The following USP37 variants were observed in gnomAD, a reference collection of about 807,000 sequenced individuals.
The protein encoded by USP37 is ubiquitin carboxyl-terminal hydrolase 37.
Under a neutral mutation model 124.0 loss-of-function variants are expected in USP37, and 27 were observed. The observed-to-expected ratio is 0.22, with a 90% CI of 0.16 to 0.30. USP37 has a LOEUF of 0.30. USP37 is among the 10% of genes least tolerant of loss of function. The pLI, the probability that USP37 is intolerant of heterozygous loss-of-function variation, is 1.00. For synonymous variants in USP37, 365 were observed against 388.0 expected (o/e 0.94, Z 0.70); for missense variants, 889 against 1,140.4 (o/e 0.78, Z 3.17).
chr2:218,499,293 C>CAA lies in USP37; in HGVS notation c.1026-1138_1026-1137dup, dbSNP rs35377276. 8.7e-4 allele frequency among the ~76,000 whole-genome samples: 132 copies of CAA among 150,940 alleles called. 4 individuals are homozygous for CAA. Among genetic ancestry groups the CAA allele is most frequent in the Admixed American group, 5.3e-3 (80 of 15,150 alleles). ...TGTTTTTTAAAAAAACAAAAAACAACAAAAAAAAACCTTTTAATTTAGAAA... is the reference window on the plus strand; with the variant it reads ...TGTTTTTTAAAAAAACAAAAAACAACAAAAAAAAAAACCTTTTAATTTAGAAA... On this transcript the variant is annotated intron_variant, in intron 11 of 25. Coordinates refer to ENST00000258399, the MANE Select transcript of USP37 (RefSeq NM_020935.3).
chr2:218,493,681 G>A (rs955892141), intron 14 of USP37, among the ~76,000 whole-genome samples: 6 of 152,156 alleles, frequency 3.9e-5, no homozygotes, highest in African/African-American at 1.4e-4. Context: ...ATGTTGGCCA[G>A]GCTGGTCTCG....
Position 218,498,061 on chromosome 2 carries a change from G to T in USP37, c.1122C>A (p.Ile374=). The part of the protein sequence containing the change: ...SFANDLLKQG[I]PWKKIPLNAL... ...CATTGAGTGGAATTTTCTTCCATGG[G>T]ATACCTTGTTTAAGCAAGTCATTTG... The change falls in exon 12 of 26, where the codon ATC becomes ATA. Residue 374 remains isoleucine (I), a synonymous_variant. Coordinates refer to ENST00000258399, the MANE Select transcript of USP37 (RefSeq NM_020935.3). 1.1e-5 allele frequency: 18 copies of T among 1,612,012 alleles called. No individual in the cohort carries two copies. Among genetic ancestry groups the T allele is most frequent in the Non-Finnish European group, 1.5e-5 (18 of 1,179,400 alleles).
At chr2:218,459,932 T>C (rs374696262) in intron 22 of USP37, 27 bp from the exon 23 acceptor site, 111 of 1,583,082 alleles carry the variant, frequency 7.0e-5, no homozygotes, top group Non-Finnish European at 9.3e-5. Flanking sequence ...CAAAATCTTA[T>C]AAAAGTTCTT....
chr2:218,470,328 T>C (rs1690606556), intron 20 of USP37, among the ~76,000 whole-genome samples: 1 of 152,222 alleles, frequency 6.6e-6, no homozygotes, highest in Non-Finnish European at 1.5e-5. Flanking sequence ...AAGCATCTCT[T>C]GAATCCATCA....
intron 5 of USP37, among the ~76,000 whole-genome samples, chr2:218,551,949 T>C (rs139577978): frequency 0.016 from 2,379 of 152,208 alleles, 64 homozygotes; most frequent in African/African-American, 0.053. Flanking sequence ...CTCGCCACCA[T>C]GCCTGGCTAA....
At position 218,456,834 on chromosome 2, in the gene USP37, G is replaced by A. The variant is rs1422013977; in HGVS notation, c.2713+258C>T. ...AAAATGCAAAAATTAGCTGGGCGTGGTGGTGCATGCCTGTAATCCCAGCTA... is the reference window on the plus strand; with the variant it reads ...AAAATGCAAAAATTAGCTGGGCGTGATGGTGCATGCCTGTAATCCCAGCTA... On this transcript the variant is annotated intron_variant, in intron 24 of 25. Coordinates refer to ENST00000258399, the MANE Select transcript of USP37 (RefSeq NM_020935.3). Among the ~76,000 whole-genome samples, 4 of 152,038 alleles carry A rather than the reference G, an allele frequency of 2.6e-5. No homozygotes were observed. In the East Asian group the frequency reaches 7.7e-4, roughly 29 times the overall value.
chr2:218,562,532 C>T (rs905648939), intron 2 of USP37, 141 bp downstream of exon 2: 3 of 390,224 alleles, frequency 7.7e-6, no homozygotes, highest in African/African-American at 4.1e-5. Flanking sequence ...TTGAAAACAT[C>T]CTTAATCAGA....
At chr2:218,507,286 T>C (rs1689732734) in intron 11 of USP37, among the ~76,000 whole-genome samples, 1 of 152,022 alleles carries the variant, frequency 6.6e-6, no homozygotes. Context: ...GCCTCCCAAG[T>C]AGCTGGGATT....
chr2:218,540,097 C>A (rs1001390972), intron 8 of USP37, among the ~76,000 whole-genome samples: 1 of 152,098 alleles, frequency 6.6e-6, no homozygotes, highest in South Asian at 2.1e-4. Context: ...TTTGGCACAT[C>A]TGAATTGCCA....
intron 10 of USP37, among the ~76,000 whole-genome samples, chr2:218,511,450 A>T (rs1267717730): frequency 6.6e-6 from 1 of 152,200 alleles, no homozygotes; most frequent in Admixed American, 6.5e-5. Context: ...CTGGGACTAC[A>T]GGCGTGCGCC....
At chr2:218,491,916 G>C (rs1383400619) in intron 14 of USP37, among the ~76,000 whole-genome samples, 1 of 151,978 alleles carries the variant, frequency 6.6e-6, no homozygotes, top group Non-Finnish European at 1.5e-5. Context: ...TGAGAATATG[G>C]GGGCCAGGTG....
chr2:218,478,074 C>T (rs962327735), intron 18 of USP37, among the ~76,000 whole-genome samples: 1 of 152,012 alleles, frequency 6.6e-6, no homozygotes, highest in Admixed American at 6.6e-5. Flanking sequence ...ATACAATTAA[C>T]CTGAATGTAA....
intron 10 of USP37, among the ~76,000 whole-genome samples, chr2:218,522,866 G>A (rs1372235536): frequency 3.3e-5 from 5 of 152,184 alleles, no homozygotes; most frequent in African/African-American, 4.8e-5. Context: ...GGCCGGATGC[G>A]GCAGCTCATG....
At chr2:218,521,794 A>T (rs1001385714) in intron 10 of USP37, among the ~76,000 whole-genome samples, 1 of 152,132 alleles carries the variant, frequency 6.6e-6, no homozygotes, top group Non-Finnish European at 1.5e-5. Flanking sequence ...TATGCACAAG[A>T]TTGTTTCTGG....
intron 8 of USP37, 77 bp downstream of exon 8, chr2:218,546,144 C>G: frequency 8.4e-7 from 1 of 1,197,350 alleles, no homozygotes. Context: ...ACCATTTCCC[C>G]AATCTTCCCC....
At chr2:218,491,090 T>C (rs973362187) in intron 14 of USP37, among the ~76,000 whole-genome samples, 15 of 152,240 alleles carry the variant, frequency 9.9e-5, no homozygotes, top group African/African-American at 2.6e-4. Context: ...TCAGGGCTGG[T>C]CTCAAACACC....
At chr2:218,484,623 AAAC>A (rs71064453) in intron 16 of USP37, among the ~76,000 whole-genome samples, 20 of 18,610 alleles carry the variant, frequency 1.1e-3, no homozygotes, top group Admixed American at 5.3e-3. Context: ...CTCTGTATCA[AAAC>A]AACAACAACA....
chr2:218,533,150 C>T (rs1691428068), intron 9 of USP37, among the ~76,000 whole-genome samples: 1 of 152,028 alleles, frequency 6.6e-6, no homozygotes, highest in Non-Finnish European at 1.5e-5. Flanking sequence ...GATAAAATAC[C>T]GTGAAAGAAG....
Position 218,543,518 on chromosome 2 carries a change from A to C in USP37, c.680+2703T>G, listed in dbSNP as rs1161060552. On this transcript the variant is annotated intron_variant, in intron 8 of 25. Coordinates refer to ENST00000258399, the MANE Select transcript of USP37 (RefSeq NM_020935.3). ...CTCCGTCTCAAAAAAAAAAAAAAAA[A>C]AAAAAAAAAACAGGACAGGCGTGGT... Among the ~76,000 whole-genome samples the C allele has an allele frequency of 1.7e-4, 26 of 150,358 alleles. No individual in the cohort carries two copies. In the East Asian group the frequency reaches 2.7e-3, roughly 16 times the overall value.
Sources: gnomAD v4.1 joint callset for allele counts (sites outside exome capture counted in the v4.1 genomes callset) on GRCh38, gnomAD v4.1.1 for gene constraint, MANE v1.5 for transcripts, NCBI Gene and HGNC (gene_info 2026-07-23, HGNC 2026-07-21) for gene names.